FRMD5: variants seen among roughly 807,000 people sequenced by gnomAD.
FRMD5 encodes the protein FERM domain-containing protein 5.
In FRMD5, 20 loss-of-function variants were observed where a neutral mutation model predicts 69.0. That is an observed-to-expected ratio of 0.29 (90% confidence interval 0.20 to 0.42). The LOEUF is 0.42. Among genes scored for constraint, FRMD5 ranks in the 10% least tolerant of loss-of-function variants. FRMD5 has a pLI of 1.00. For missense variants in FRMD5, 595 were observed against 708.6 expected, an observed-to-expected ratio of 0.84 and a Z score of 1.82; for synonymous variants, 271 against 260.1, an observed-to-expected ratio of 1.04 and a Z score of -0.40.
At chr15:43,886,310 A>G (rs938284315) in intron 10 of FRMD5, among the ~76,000 whole-genome samples, 3 of 152,178 alleles carry the variant, frequency 2.0e-5, no homozygotes, top group African/African-American at 7.2e-5. Flanking sequence ...GGGTCCTAAA[A>G]TACATGACCA....
At chr15:44,182,826 C>T (rs1040597707) in intron 1 of FRMD5, among the ~76,000 whole-genome samples, 103 of 152,210 alleles carry the variant, frequency 6.8e-4, no homozygotes, top group African/African-American at 2.2e-3. Context: ...GACGGAGTCT[C>T]GCTCTGTCGC....
At chr15:43,912,711 C>T (rs1248094840) in intron 4 of FRMD5, among the ~76,000 whole-genome samples, 1 of 151,662 alleles carries the variant, frequency 6.6e-6, no homozygotes, top group African/African-American at 2.4e-5. Flanking sequence ...TGGGGGTGCT[C>T]CTGTGGTTTG....
chr15:44,019,419 A>G (rs1260432451), intron 1 of FRMD5, among the ~76,000 whole-genome samples: 1 of 151,566 alleles, frequency 6.6e-6, no homozygotes, highest in African/African-American at 2.4e-5. Context: ...TAGTCAAAAT[A>G]TCTTTGGCAT....
chr15:43,875,605 G>A (rs900871385), intron 13 of FRMD5, among the ~76,000 whole-genome samples: 1 of 151,106 alleles, frequency 6.6e-6, no homozygotes, highest in Non-Finnish European at 1.5e-5. Flanking sequence ...AGCCTTCTGA[G>A]TAGCTGGGAA....
intron 1 of FRMD5, among the ~76,000 whole-genome samples, chr15:44,112,705 T>C (rs1440907198): frequency 6.6e-6 from 1 of 152,118 alleles, no homozygotes; most frequent in Admixed American, 6.5e-5. Context: ...CGAGACCTCA[T>C]GATCCACCCA....
intron 1 of FRMD5, among the ~76,000 whole-genome samples, chr15:43,994,869 A>C (rs565836370): frequency 5.3e-5 from 8 of 152,348 alleles, no homozygotes; most frequent in Admixed American, 4.6e-4. Context: ...ATGTTTACTA[A>C]TTAGCATCCT....
At chr15:43,888,981 A>G (rs2088731679) in intron 8 of FRMD5, 109 bp from the exon 9 acceptor site, 1 of 895,488 alleles carries the variant, frequency 1.1e-6, no homozygotes, top group African/African-American at 1.7e-5. Flanking sequence ...AGGCACAGAC[A>G]CAATTTTAGC....
In FRMD5 at chr15:43,874,452, G is replaced by A; in HGVS notation, c.1146C>T (p.Ser382=). 6.2e-7 allele frequency: 1 copy of A among 1,614,004 alleles called. No homozygotes were observed. Among genetic ancestry groups the A allele is most frequent in the Non-Finnish European group, 8.5e-7 (1 of 1,179,890 alleles). ...GTGTGGAATGGGCACTGTCCCGTAAGGACTCTAGGCCTAGAAAGGCAAAAG... is the reference window on the plus strand; with the variant it reads ...GTGTGGAATGGGCACTGTCCCGTAAAGACTCTAGGCCTAGAAAGGCAAAAG... ...VHISIMEGLE[S]LRDSAHSTPV... is the part of the protein sequence containing the mutation. The change falls in exon 14 of 14, where the codon TCC becomes TCT. Residue 382 remains serine, a synonymous_variant. Transcript: ENST00000417257.
At chr15:43,924,365 T>TC in intron 1 of FRMD5, 56 bp from the exon 2 acceptor site, 1 of 1,335,588 alleles carries the variant, frequency 7.5e-7, no homozygotes, top group African/African-American at 1.5e-5. Context: ...GTGTAACTTT[T>TC]TTTTTTTTTA....
intron 4 of FRMD5, among the ~76,000 whole-genome samples, chr15:43,917,079 G>A (rs1185742766): frequency 4.0e-5 from 6 of 151,432 alleles, no homozygotes; most frequent in African/African-American, 7.3e-5. Context: ...CACGCCTGGC[G>A]GAAAATTGTA....
chr15:44,063,189 T>A (rs1429681193), intron 1 of FRMD5, among the ~76,000 whole-genome samples: 1 of 152,194 alleles, frequency 6.6e-6, no homozygotes, highest in Non-Finnish European at 1.5e-5. Context: ...AGTAAATCTA[T>A]CTAGGAATAC....
chr15:44,181,076 G>A (rs571649537), intron 1 of FRMD5, among the ~76,000 whole-genome samples: 1 of 152,290 alleles, frequency 6.6e-6, no homozygotes, highest in East Asian at 1.9e-4. Flanking sequence ...ATCTTGGTCT[G>A]TTGCCCAGGC....
intron 1 of FRMD5, among the ~76,000 whole-genome samples, chr15:44,188,975 G>T (rs2078148330): frequency 6.6e-6 from 1 of 152,014 alleles, no homozygotes; most frequent in Non-Finnish European, 1.5e-5. Context: ...ACTGTCAAAG[G>T]GGTGTTTTCT....
intron 4 of FRMD5, 59 bp downstream of exon 4, chr15:43,919,399 TC>T: frequency 2.1e-6 from 3 of 1,435,996 alleles, no homozygotes; most frequent in Non-Finnish European, 2.0e-6. Context: ...GAGGTCACCA[TC>T]CCCCTTTCCT....
chr15:43,894,549 C>T (rs571866013), intron 7 of FRMD5, among the ~76,000 whole-genome samples: 25 of 151,796 alleles, frequency 1.6e-4, no homozygotes, highest in Non-Finnish European at 3.1e-4. Flanking sequence ...TCATAATGCC[C>T]GCTGAGATAA....
chr15:43,894,530 C>T (rs367794087), intron 7 of FRMD5, among the ~76,000 whole-genome samples: 3 of 151,648 alleles, frequency 2.0e-5, no homozygotes, highest in Non-Finnish European at 2.9e-5. Flanking sequence ...GGCAGAGGCA[C>T]GGAAGGGGTC....
At chr15:44,063,164 C>G (rs143573049) in intron 1 of FRMD5, among the ~76,000 whole-genome samples, 3,025 of 152,214 alleles carry the variant, frequency 0.02, 41 homozygotes, top group Middle Eastern at 0.068. Flanking sequence ...TTGTATAGAA[C>G]TAGTACAACG....
intron 1 of FRMD5, among the ~76,000 whole-genome samples, chr15:44,084,289 C>G (rs568200719): frequency 1.3e-5 from 2 of 151,992 alleles, no homozygotes; most frequent in Non-Finnish European, 2.9e-5. Context: ...CCTTTGTTTT[C>G]TCTAGCCTTC....
At chr15:43,888,708 G>A in intron 9 of FRMD5, 101 bp downstream of exon 9, 1 of 938,914 alleles carries the variant, frequency 1.1e-6, no homozygotes, top group Non-Finnish European at 1.7e-6. Context: ...CTTAGTATGT[G>A]GGTAGCTTGG....
Sources: allele counts gnomAD v4.1 joint callset (sites outside exome capture counted in the v4.1 genomes callset), GRCh38; gene constraint gnomAD v4.1.1; transcripts MANE v1.5; gene names NCBI Gene and HGNC (gene_info 2026-07-23, HGNC 2026-07-21).